ALDH18A1: variants seen among roughly 807,000 people sequenced by gnomAD.
The protein encoded by ALDH18A1 is delta-1-pyrroline-5-carboxylate synthase.
In ALDH18A1, 44 loss-of-function variants were observed where a neutral mutation model predicts 88.8. The observed-to-expected ratio is 0.50, with a 90% CI of 0.39 to 0.64. The LOEUF (loss-of-function observed/expected upper bound fraction) is 0.64. ALDH18A1 is among the 30% of genes least tolerant of loss of function. The pLI, the probability that ALDH18A1 is intolerant of heterozygous loss-of-function variation, is 0.00. For synonymous variants in ALDH18A1, 331 were observed against 372.1 expected (o/e 0.89, Z 1.27); for missense variants, 782 against 1,009.5 (o/e 0.77, Z 3.05).
intron 2 of ALDH18A1, among the ~76,000 whole-genome samples, chr10:95,648,576 C>T (rs938715086): frequency 1.2e-4 from 18 of 152,216 alleles, no homozygotes; most frequent in Admixed American, 1.2e-3. Flanking sequence ...TTTGAGCTGG[C>T]CCCGTAACTT....
chr10:95,627,911 G>A (rs2097862703), intron 8 of ALDH18A1, among the ~76,000 whole-genome samples: 1 of 152,224 alleles, frequency 6.6e-6, no homozygotes, highest in Non-Finnish European at 1.5e-5. Flanking sequence ...CCAACAGGCT[G>A]GAGTTTGACC....
At chr10:95,609,480 G>A (rs2097829059) in intron 17 of ALDH18A1, among the ~76,000 whole-genome samples, 1 of 152,228 alleles carries the variant, frequency 6.6e-6, no homozygotes, top group South Asian at 2.1e-4. Context: ...AAGGGACACA[G>A]CATGTACCTC....
chr10:95,633,440 C>G (rs1411592252), intron 6 of ALDH18A1, 51 bp downstream of exon 6: 1 of 1,606,250 alleles, frequency 6.2e-7, no homozygotes, highest in East Asian at 2.2e-5. Context: ...TGCAGCATAG[C>G]ATGGTGTTAG....
chr10:95,622,568 C>T (rs919513022), intron 11 of ALDH18A1, among the ~76,000 whole-genome samples: 7 of 152,076 alleles, frequency 4.6e-5, no homozygotes, highest in Non-Finnish European at 1.0e-4. Flanking sequence ...GACGGAGTCT[C>T]GCTCTGTCGC....
intron 3 of ALDH18A1, among the ~76,000 whole-genome samples, chr10:95,640,754 T>C (rs2139633766): frequency 6.6e-6 from 1 of 152,312 alleles, no homozygotes; most frequent in South Asian, 2.1e-4. Context: ...CAGGCCCTGA[T>C]GGAGACAGCT....
intron 7 of ALDH18A1, among the ~76,000 whole-genome samples, chr10:95,631,987 A>C (rs1033317574): frequency 6.6e-6 from 1 of 152,222 alleles, no homozygotes; most frequent in Non-Finnish European, 1.5e-5. Flanking sequence ...ATGTCCATCA[A>C]TAGATGAACT....
intron 12 of ALDH18A1, among the ~76,000 whole-genome samples, chr10:95,618,939 CA>C (rs2097848017): frequency 1.3e-5 from 2 of 152,292 alleles, no homozygotes; most frequent in East Asian, 3.9e-4. Flanking sequence ...GACATATGAA[CA>C]ACTACTTTAG....
At chr10:95,622,901 A>T (rs1271545097) in intron 11 of ALDH18A1, among the ~76,000 whole-genome samples, 3 of 152,182 alleles carry the variant, frequency 2.0e-5, no homozygotes, top group African/African-American at 4.8e-5. Context: ...ACAAACATGT[A>T]CGTACATCTT....
At chr10:95,620,597 C>T (rs1200787096) in intron 12 of ALDH18A1, among the ~76,000 whole-genome samples, 4 of 152,126 alleles carry the variant, frequency 2.6e-5, no homozygotes, top group Non-Finnish European at 4.4e-5. Flanking sequence ...GAATACTATG[C>T]AGCCATAAAA....
chr10:95,626,608 A>G, intron 10 of ALDH18A1, 95 bp downstream of exon 10: 1 of 1,161,758 alleles, frequency 8.6e-7, no homozygotes, highest in Non-Finnish European at 1.3e-6. Context: ...GTGGCTCACT[A>G]GGAATAAAGA....
chr10:95,633,942 A>C (rs1009238611), intron 5 of ALDH18A1, among the ~76,000 whole-genome samples: 5 of 149,910 alleles, frequency 3.3e-5, no homozygotes, highest in Admixed American at 1.3e-4. Context: ...TCAGCTTTCC[A>C]AGTAGCTAGG....
rs543845150 is a variant in ALDH18A1, at chr10:95,613,860, C to G, written c.1805G>C (p.Arg602Thr). The G allele has an allele frequency of 6.2e-7, 1 of 1,614,168 alleles. No homozygotes were observed. The highest frequency in any genetic ancestry group is 1.7e-5 in the Admixed American group (1 of 60,018). The change falls in exon 15 of 18, where the codon AGA becomes ACA. Residue 602 changes from arginine to threonine, a missense_variant. This residue lies in a region of ALDH18A1 where 556 missense variants were observed against 654.5 expected (regional missense o/e 0.85). Transcript: ENST00000371224. ...ASVDKVTRLV[R>T]DSKCEYPAAC... ...AGCTGGATATTCACATTTAGAGTCT[C>G]TGACTGAAAGAAGATGAGCAAAGAA...
intron 12 of ALDH18A1, 53 bp downstream of exon 12, chr10:95,620,978 T>G: frequency 6.8e-7 from 1 of 1,473,356 alleles, no homozygotes; most frequent in Admixed American, 1.7e-5. Flanking sequence ...TCCTCCAATA[T>G]CCACACCAGC....
chr10:95,629,980 G>A (rs536141478), intron 7 of ALDH18A1, among the ~76,000 whole-genome samples: 1 of 152,056 alleles, frequency 6.6e-6, no homozygotes, highest in Admixed American at 6.6e-5. Context: ...AAGGAAGAGT[G>A]TAGCTTTTTT....
At chr10:95,642,805 AT>A (rs879713720) in intron 3 of ALDH18A1, among the ~76,000 whole-genome samples, 186 bp downstream of exon 3, 6 of 152,030 alleles carry the variant, frequency 3.9e-5, no homozygotes, top group Non-Finnish European at 8.8e-5. Context: ...TTAACATCCC[AT>A]TTTCTTGCCC....
At chr10:95,636,480 C>T (rs1300170825) in intron 5 of ALDH18A1, among the ~76,000 whole-genome samples, 5 of 152,092 alleles carry the variant, frequency 3.3e-5, no homozygotes, top group Admixed American at 1.3e-4. Context: ...GGTTCTAGAA[C>T]ATTTAGGGGT....
In ALDH18A1 at chr10:95,632,976, A is replaced by G; in HGVS notation, c.791T>C (p.Val264Ala). The part of the protein sequence containing the change: ...AVEMKTDLLI[V>A]LSDVEGLFDS... Reference sequence around the variant, plus strand: ...CTTTGTACCTTCTACATCTGAAAGAACAATCAAGAGATCAGTTTTCATTTC... The same window carrying G: ...CTTTGTACCTTCTACATCTGAAAGAGCAATCAAGAGATCAGTTTTCATTTC... Residue 264 changes from valine to alanine, a missense_variant, in exon 7 of 18, where the codon GTT becomes GCT. Physicochemically the swap from Val to Ala is moderately conservative, Grantham distance 64. Around this residue, in one of 3 missense-constraint regions of ALDH18A1, gnomAD observed 132 missense variants for 255.5 expected, o/e 0.52. Transcript: ENST00000371224. 6.2e-7 allele frequency: 1 copy of G among 1,614,190 alleles called. No homozygotes were observed. The highest frequency in any genetic ancestry group is 8.5e-7 in the Non-Finnish European group (1 of 1,179,996).
At chr10:95,649,555 CTGTGTTAGTCAGG>C (rs1234804000) in intron 2 of ALDH18A1, among the ~76,000 whole-genome samples, 5 of 151,832 alleles carry the variant, frequency 3.3e-5, no homozygotes, top group African/African-American at 1.2e-4. Flanking sequence ...CGGGGTTTCA[CTGTGTTAGTCAGG>C]ATGGTCTCGA....
chr10:95,617,818 C>T (rs759470058), intron 12 of ALDH18A1, among the ~76,000 whole-genome samples: 12 of 152,252 alleles, frequency 7.9e-5, no homozygotes, highest in Non-Finnish European at 1.5e-4. Context: ...AGAAATTTCA[C>T]GGATACAGTC....
Sources: allele counts gnomAD v4.1 joint callset (sites outside exome capture counted in the v4.1 genomes callset), GRCh38; gene constraint gnomAD v4.1.1; regional missense constraint gnomAD v4.1.1; transcripts MANE v1.5; gene names NCBI Gene and HGNC (gene_info 2026-07-23, HGNC 2026-07-21).